Variants in MCOLN2 observed in about 807,000 individuals in gnomAD.
The protein encoded by MCOLN2 is mucolipin-2.
Under a neutral mutation model 67.5 loss-of-function variants are expected in MCOLN2, and 57 were observed. That is an observed-to-expected ratio of 0.84 (90% CI 0.68 to 1.05). The LOEUF is 1.05. Ranked by LOEUF, MCOLN2 falls within the 50% of genes least tolerant of loss-of-function variation. The probability of loss-of-function intolerance (pLI) is 0.00; values close to 1 mark genes in which losing one functional copy is unlikely to be tolerated. For synonymous variants in MCOLN2, 246 were observed against 233.3 expected (o/e 1.05, Z -0.50); for missense variants, 620 against 678.8 (o/e 0.91, Z 0.96).
intron 1 of MCOLN2, among the ~76,000 whole-genome samples, chr1:84,977,502 A>C (rs1417683666): frequency 2.0e-5 from 3 of 151,946 alleles, no homozygotes; most frequent in African/African-American, 7.2e-5. Context: ...AATACACTTC[A>C]CCTATAAAGA....
At chr1:84,959,343 T>G (rs911000886) in intron 2 of MCOLN2, among the ~76,000 whole-genome samples, 2 of 152,140 alleles carry the variant, frequency 1.3e-5, no homozygotes, top group African/African-American at 4.8e-5. Flanking sequence ...ACCCATTCAT[T>G]GTCACCAAGC....
intron 11 of MCOLN2, among the ~76,000 whole-genome samples, chr1:84,934,100 T>C (rs1344727973): frequency 1.3e-5 from 2 of 152,170 alleles, no homozygotes; most frequent in East Asian, 1.9e-4. Context: ...GGATCTTGAG[T>C]GATCATAAGC....
At chr1:84,973,836 A>G (rs1164779403) in intron 1 of MCOLN2, among the ~76,000 whole-genome samples, 2 of 152,150 alleles carry the variant, frequency 1.3e-5, no homozygotes, top group Non-Finnish European at 2.9e-5. Context: ...AGAACCAAAA[A>G]TCAGGTGAGC....
intron 2 of MCOLN2, among the ~76,000 whole-genome samples, chr1:84,964,838 C>T (rs915388743): frequency 1.3e-5 from 2 of 151,834 alleles, no homozygotes; most frequent in South Asian, 2.1e-4. Context: ...TGACAGGAGG[C>T]GGAGCTCAGG....
chr1:84,937,715 A>G, intron 11 of MCOLN2, 40 bp downstream of exon 11: 3 of 1,611,876 alleles, frequency 1.9e-6, no homozygotes, highest in Non-Finnish European at 2.5e-6. Flanking sequence ...CAAGGGTCCC[A>G]CGTGCCCCAT....
intron 1 of MCOLN2, among the ~76,000 whole-genome samples, chr1:84,969,346 G>T (rs1649548200): frequency 1.3e-5 from 2 of 152,116 alleles, no homozygotes; most frequent in Admixed American, 1.3e-4. Context: ...AGAGGCGGGT[G>T]GATCACCTGA....
intron 7 of MCOLN2, among the ~76,000 whole-genome samples, chr1:84,942,406 T>A (rs1336481026): frequency 6.6e-6 from 1 of 152,136 alleles, no homozygotes; most frequent in Non-Finnish European, 1.5e-5. Context: ...CTTGAGGAAG[T>A]TGCTTAACCC....
chr1:84,947,461 A>G (rs1205993322), intron 6 of MCOLN2, among the ~76,000 whole-genome samples: 1 of 152,180 alleles, frequency 6.6e-6, no homozygotes, highest in Non-Finnish European at 1.5e-5. Context: ...AAGGGGAGCA[A>G]GGCACCCTGC....
chr1:84,968,439 A>G (rs563904036), intron 1 of MCOLN2, among the ~76,000 whole-genome samples: 73 of 152,178 alleles, frequency 4.8e-4, no homozygotes, highest in Non-Finnish European at 9.7e-4. Flanking sequence ...TATAAAACAC[A>G]ATGACAAACA....
At chr1:84,954,924 C>T (rs894810187) in intron 4 of MCOLN2, among the ~76,000 whole-genome samples, 1 of 152,144 alleles carries the variant, frequency 6.6e-6, no homozygotes, top group East Asian at 1.9e-4. Flanking sequence ...ATAAAGTGAA[C>T]AAGAATAACT....
At chr1:84,963,421 A>G (rs1298084187) in intron 2 of MCOLN2, among the ~76,000 whole-genome samples, 2 of 152,238 alleles carry the variant, frequency 1.3e-5, no homozygotes, top group African/African-American at 4.8e-5. Context: ...ATGGGAAAAC[A>G]TAAATAGATG....
intron 6 of MCOLN2, 111 bp from the exon 7 acceptor site, chr1:84,947,243 A>G: frequency 1.5e-6 from 1 of 659,114 alleles, no homozygotes; most frequent in South Asian, 1.8e-5. Flanking sequence ...ATCCAAAGAG[A>G]ATTACACAGG....
chr1:84,968,505 A>C (rs146259087), intron 1 of MCOLN2, among the ~76,000 whole-genome samples: 250 of 152,364 alleles, frequency 1.6e-3, no homozygotes, highest in Non-Finnish European at 3.0e-3. Context: ...AACAGACTAA[A>C]AACAGAAACA....
chr1:84,955,170 G>C (rs1648719214), intron 4 of MCOLN2, among the ~76,000 whole-genome samples: 1 of 152,182 alleles, frequency 6.6e-6, no homozygotes, highest in South Asian at 2.1e-4. Flanking sequence ...ATGTAAAGAA[G>C]GATGTGTTTG....
At chr1:84,953,550 C>CAAAAAA (rs138750958) in intron 4 of MCOLN2, among the ~76,000 whole-genome samples, 12 of 118,402 alleles carry the variant, frequency 1.0e-4, no homozygotes, top group African/African-American at 3.5e-4. Flanking sequence ...AACTCTATCT[C>CAAAAAA]AAAAAAAAAA....
intron 1 of MCOLN2, among the ~76,000 whole-genome samples, chr1:84,984,046 C>T (rs1650389039): frequency 6.6e-6 from 1 of 152,172 alleles, no homozygotes; most frequent in Non-Finnish European, 1.5e-5. Flanking sequence ...TGAATCCTCC[C>T]TTGGAAAATA....
At chr1:84,939,749 T>A (rs747675497) in intron 8 of MCOLN2, 47 bp from the exon 9 acceptor site, 2 of 1,601,756 alleles carry the variant, frequency 1.2e-6, no homozygotes, top group East Asian at 4.5e-5. Context: ...CACACTGCCC[T>A]CTGGAAGAAG....
intron 4 of MCOLN2, among the ~76,000 whole-genome samples, chr1:84,953,429 A>C (rs907260604): frequency 6.6e-6 from 1 of 152,102 alleles, no homozygotes; most frequent in African/African-American, 2.4e-5. Context: ...GTGCGCCTGT[A>C]ATCCCAGCTA....
intron 1 of MCOLN2, among the ~76,000 whole-genome samples, chr1:84,978,687 G>A (rs2102875473): frequency 6.6e-6 from 1 of 152,108 alleles, no homozygotes; most frequent in East Asian, 1.9e-4. Context: ...CAAGTAATGA[G>A]ATCGAAGCTG....
Sources: allele counts gnomAD v4.1 joint callset (sites outside exome capture counted in the v4.1 genomes callset), GRCh38; gene constraint gnomAD v4.1.1; transcripts MANE v1.5; gene names NCBI Gene and HGNC (gene_info 2026-07-23, HGNC 2026-07-21).